Variants in PICALM observed in about 807,000 individuals in gnomAD.
PICALM encodes phosphatidylinositol binding clathrin assembly protein, also known as phosphatidylinositol-binding clathrin assembly protein.
Under a neutral mutation model 80.5 loss-of-function variants are expected in PICALM, and 40 were observed. The ratio of observed to expected loss-of-function variants is 0.50; its 90% CI spans 0.39 to 0.65. PICALM has a LOEUF of 0.65. Among genes scored for constraint, PICALM ranks in the 30% least tolerant of loss-of-function variants. The pLI is 0.00. For synonymous variants in PICALM, 288 were observed against 260.3 expected (o/e 1.11, Z -1.02); for missense variants, 676 against 778.9 (o/e 0.87, Z 1.57).
intron 10 of PICALM, 122 bp downstream of exon 10, chr11:86,000,913 T>C (rs1028649322): frequency 3.4e-6 from 5 of 1,478,144 alleles, no homozygotes; most frequent in Non-Finnish European, 4.6e-6. Context: ...GACGAAAAGT[T>C]AGACTGAGTT....
At chr11:85,991,658 A>G (rs535841255) in intron 12 of PICALM, among the ~76,000 whole-genome samples, 73 of 152,136 alleles carry the variant, frequency 4.8e-4, no homozygotes, top group African/African-American at 1.7e-3. Flanking sequence ...TGGAACATCA[A>G]TTCACACTAA....
chr11:86,056,131 TC>T (rs1188617590), intron 1 of PICALM, among the ~76,000 whole-genome samples: 241 of 11,590 alleles, frequency 0.021, 5 homozygotes, highest in Non-Finnish European at 0.048. Flanking sequence ...CAAGACTCTG[TC>T]TTTAAAAAAA....
intron 1 of PICALM, among the ~76,000 whole-genome samples, chr11:86,064,883 G>C (rs565765753): frequency 2.8e-4 from 42 of 152,092 alleles, no homozygotes; most frequent in Non-Finnish European, 5.0e-4. Flanking sequence ...AGACCAGCCT[G>C]GGCCACATAG....
chr11:85,999,847 T>C (rs1264906896), intron 11 of PICALM, among the ~76,000 whole-genome samples: 1 of 152,214 alleles, frequency 6.6e-6, no homozygotes, highest in Non-Finnish European at 1.5e-5. Flanking sequence ...CCTGGGAGCA[T>C]CTTAAAAACA....
intron 1 of PICALM, among the ~76,000 whole-genome samples, chr11:86,050,851 T>G (rs192669342): frequency 3.9e-5 from 6 of 152,258 alleles, no homozygotes; most frequent in African/African-American, 1.4e-4. Flanking sequence ...AAAAAAATTA[T>G]TTATTGTTAT....
intron 11 of PICALM, among the ~76,000 whole-genome samples, chr11:85,999,577 GA>G (rs996034624): frequency 6.6e-6 from 1 of 151,794 alleles, no homozygotes; most frequent in Non-Finnish European, 1.5e-5. Context: ...AAAGCTGAAA[GA>G]AAAAAAAGAA....
chr11:85,990,308 G>A lies in PICALM; in HGVS notation c.1350C>T (p.Ser450=). The A allele has an allele frequency of 6.2e-7, 1 of 1,606,160 alleles. No homozygotes were observed. The highest frequency in any genetic ancestry group is 8.5e-7 in the Non-Finnish European group (1 of 1,173,362). ...LTKSSGDVHL[S]ISSDVSTFTT... is the part of the protein sequence containing the mutation. ...TAAAAGTAGATACATCTGAAGAAAT[G>A]GAAAGGTGAACATCACCACTACTTT... The change falls in exon 13 of 20, where the codon TCC becomes TCT. Residue 450 remains serine, a synonymous_variant. Transcript: ENST00000393346.
chr11:85,962,448 A>ACCT (rs1264484377), intron 19 of PICALM, among the ~76,000 whole-genome samples: 2 of 152,166 alleles, frequency 1.3e-5, no homozygotes, highest in Non-Finnish European at 2.9e-5. Flanking sequence ...ACACCGAAAT[A>ACCT]CCTTCTTAAA....
intron 1 of PICALM, among the ~76,000 whole-genome samples, chr11:86,045,821 T>A (rs2096063819): frequency 6.6e-6 from 1 of 152,186 alleles, no homozygotes; most frequent in Admixed American, 6.5e-5. Context: ...AAGGGAAATT[T>A]AATCATCTTT....
chr11:85,959,780 G>A (rs903997015), intron 19 of PICALM, among the ~76,000 whole-genome samples: 1 of 151,884 alleles, frequency 6.6e-6, no homozygotes, highest in Non-Finnish European at 1.5e-5. Flanking sequence ...GGGTCTCACC[G>A]TATTGCCCAG....
intron 1 of PICALM, 65 bp downstream of exon 1, chr11:86,068,586 G>A (rs950739870): frequency 2.7e-6 from 4 of 1,492,928 alleles, no homozygotes; most frequent in Non-Finnish European, 1.8e-6. Context: ...ACAAGAGAGA[G>A]AGAGAAGGAC....
chr11:86,046,353 T>C (rs931620484), intron 1 of PICALM, among the ~76,000 whole-genome samples: 1 of 152,252 alleles, frequency 6.6e-6, no homozygotes, highest in Non-Finnish European at 1.5e-5. Context: ...GGCATGTTAA[T>C]TAGTCACTCA....
intron 1 of PICALM, among the ~76,000 whole-genome samples, chr11:86,064,769 T>C (rs550065295): frequency 6.6e-6 from 1 of 151,642 alleles, no homozygotes; most frequent in Non-Finnish European, 1.5e-5. Context: ...AAATTAAGAA[T>C]TCATATCAAA....
chr11:86,022,284 T>G (rs1476173497), intron 4 of PICALM, 83 bp downstream of exon 4: 12 of 757,786 alleles, frequency 1.6e-5, no homozygotes, highest in Non-Finnish European at 2.1e-5. Flanking sequence ...GGCTAAAATT[T>G]CATAATTCAT....
chr11:85,998,996 T>C (rs758350209), intron 11 of PICALM, among the ~76,000 whole-genome samples: 2 of 152,214 alleles, frequency 1.3e-5, no homozygotes, highest in East Asian at 1.9e-4. Flanking sequence ...TAATTGTACA[T>C]ATTTATGGGA....
At chr11:85,970,137 A>G (rs1193517236) in intron 19 of PICALM, among the ~76,000 whole-genome samples, 3 of 152,236 alleles carry the variant, frequency 2.0e-5, no homozygotes, top group African/African-American at 7.2e-5. Context: ...AACATGCCAG[A>G]GAAGCTTGCC....
intron 3 of PICALM, chr11:86,023,366 A>G (rs2136539900): frequency 1.4e-6 from 1 of 719,912 alleles, no homozygotes; most frequent in African/African-American, 1.9e-5. Flanking sequence ...GTGGAGAAAA[A>G]TCAGTGAACA....
At chr11:86,013,865 A>G (rs1315482974) in intron 5 of PICALM, among the ~76,000 whole-genome samples, 1 of 152,216 alleles carries the variant, frequency 6.6e-6, no homozygotes, top group Admixed American at 6.5e-5. Context: ...CTGCTGTTGT[A>G]ACATAAAACA....
intron 1 of PICALM, among the ~76,000 whole-genome samples, chr11:86,038,974 G>C (rs931636343): frequency 6.6e-6 from 1 of 151,968 alleles, no homozygotes; most frequent in African/African-American, 2.4e-5. Context: ...GCTGGACGTG[G>C]TGACAACACG....
Sources: gnomAD v4.1 joint callset for allele counts (sites outside exome capture counted in the v4.1 genomes callset) on GRCh38, gnomAD v4.1.1 for gene constraint, MANE v1.5 for transcripts, NCBI Gene and HGNC (gene_info 2026-07-23, HGNC 2026-07-21) for gene names.